The following DPYSL5 variants were observed in gnomAD, a reference collection of about 807,000 sequenced individuals.
The protein encoded by DPYSL5 is dihydropyrimidinase-related protein 5.
In DPYSL5, 9 loss-of-function variants were observed where a neutral mutation model predicts 58.4. The observed-to-expected ratio is 0.15, with a 90% CI of 0.09 to 0.27. The LOEUF (loss-of-function observed/expected upper bound fraction) is 0.27. Among genes scored for constraint, DPYSL5 ranks in the 10% least tolerant of loss-of-function variants. The probability of loss-of-function intolerance (pLI) is 1.00; values close to 1 mark genes in which losing one functional copy is unlikely to be tolerated. For synonymous variants in DPYSL5, 293 were observed against 301.9 expected, an observed-to-expected ratio of 0.97 and a Z score of 0.31; for missense variants, 499 against 770.6, an observed-to-expected ratio of 0.65 and a Z score of 4.17.
At position 26,934,820 on chromosome 2, in the gene DPYSL5, G is replaced by A; in HGVS notation, c.947+86G>A. On this transcript the variant is annotated intron_variant, in intron 8 of 12. Transcript: ENST00000288699. The surrounding 1 kb of genome is among the most constrained non-coding windows in gnomAD (Gnocchi z 4.3). ...GGCCCAGGAAACAAATCTGAGCTAG[G>A]TTTGATTTCATTGTGCCCATAGGAT... 6.6e-7 allele frequency: 1 copy of A among 1,526,216 alleles called. No homozygotes were observed. The allele number at this position is 1,526,216 out of a possible 1,614,324, so 94.5% of individuals were successfully genotyped here. A position where few individuals can be genotyped will look rare whatever the true frequency, so the allele number is the denominator to read the frequency against.
intron 1 of DPYSL5, among the ~76,000 whole-genome samples, chr2:26,873,101 C>G (rs964855172): frequency 6.6e-6 from 1 of 152,106 alleles, no homozygotes; most frequent in Admixed American, 6.6e-5. Flanking sequence ...AAATGCAATT[C>G]CTACTATATT....
chr2:26,885,216 A>T (rs557068991), intron 1 of DPYSL5, among the ~76,000 whole-genome samples: 26 of 150,736 alleles, frequency 1.7e-4, no homozygotes, highest in East Asian at 1.2e-3. Flanking sequence ...AAAACAAAAT[A>T]AAAAAAAACC....
intron 8 of DPYSL5, 98 bp from the exon 9 acceptor site, chr2:26,939,933 C>A: frequency 6.5e-7 from 1 of 1,532,064 alleles, no homozygotes; most frequent in Non-Finnish European, 8.9e-7. Flanking sequence ...GTCGGCTTTG[C>A]CTGCTTCCCA....
chr2:26,883,003 G>A (rs188603564), intron 1 of DPYSL5, among the ~76,000 whole-genome samples: 1 of 150,178 alleles, frequency 6.7e-6, no homozygotes. Flanking sequence ...AGAAACTATT[G>A]TTTATTCTCT....
intron 1 of DPYSL5, among the ~76,000 whole-genome samples, chr2:26,885,848 T>C (rs1199081884): frequency 6.6e-6 from 1 of 152,184 alleles, no homozygotes; most frequent in Admixed American, 6.5e-5. Context: ...ACTTCCAGAA[T>C]CCCTCAAAAC....
chr2:26,871,128 AT>A (rs1443826907), intron 1 of DPYSL5, among the ~76,000 whole-genome samples: 2 of 152,096 alleles, frequency 1.3e-5, no homozygotes, highest in African/African-American at 4.8e-5. Context: ...GGTTGTCACC[AT>A]TTTAAGAGAT....
In DPYSL5 at chr2:26,932,192, AAAG is replaced by A. The variant is rs1558351604; in HGVS notation, c.714+511_714+513del. ...GAAAGAAAGAAAGAAAGAAAGAAAG[AAAG>A]AAAGAAAGAAAGAAAAGAAAGAAAG... On this transcript the variant is annotated intron_variant, in intron 6 of 12. Coordinates refer to ENST00000288699, the MANE Select transcript of DPYSL5 (RefSeq NM_020134.4). 9.9e-3 allele frequency among the ~76,000 whole-genome samples: 823 copies of A among 83,448 alleles called. 19 individuals carry two copies. The highest frequency in any genetic ancestry group is 0.016 in the Non-Finnish European group (607 of 38,504). The allele number at this position is 83,448 out of a possible 152,430, so 54.7% of individuals were successfully genotyped here.
intron 2 of DPYSL5, among the ~76,000 whole-genome samples, chr2:26,904,763 C>T (rs1351653847): frequency 6.6e-6 from 1 of 152,096 alleles, no homozygotes; most frequent in Non-Finnish European, 1.5e-5. Flanking sequence ...ATTAGCCAGG[C>T]GTGGTGGTGT....
rs139539355 is a variant in DPYSL5, at chr2:26,925,019, G to A, written c.394G>A (p.Val132Met). Residue 132 changes from valine to methionine, a missense_variant, in exon 3 of 13, where the codon GTG becomes ATG. Around this residue, in one of 3 missense-constraint regions of DPYSL5, gnomAD observed 404 missense variants for 647.6 expected, o/e 0.62. Coordinates refer to ENST00000288699, the MANE Select transcript of DPYSL5 (RefSeq NM_020134.4). This position sits in a 1 kb window ranked among gnomAD's most constrained non-coding sequence, Gnocchi z 4.5. ...PKVCCDYALH[V>M]GITWWAPKVK... ...GGTCTGCTGTGATTACGCCCTCCAC[G>A]TGGGGATCACCTGGTGGGCACCCAA... The A allele has an allele frequency of 2.7e-5, 43 of 1,614,024 alleles. No homozygotes were observed. Among genetic ancestry groups the A allele is most frequent in the African/African-American group, 5.3e-5 (4 of 74,934 alleles).
intron 1 of DPYSL5, among the ~76,000 whole-genome samples, chr2:26,852,049 C>A (rs1484803099): frequency 2.0e-5 from 3 of 152,182 alleles, no homozygotes; most frequent in African/African-American, 7.2e-5. Flanking sequence ...CCCAGTCTAT[C>A]TTCCTGGTGT....
intron 1 of DPYSL5, among the ~76,000 whole-genome samples, chr2:26,885,238 C>T (rs918874094): frequency 2.0e-5 from 3 of 152,048 alleles, no homozygotes; most frequent in African/African-American, 7.2e-5. Context: ...GTCTCAGGAG[C>T]AAGCCCTTGT....
intron 1 of DPYSL5, among the ~76,000 whole-genome samples, chr2:26,895,704 T>C (rs1273918580): frequency 6.6e-6 from 1 of 151,994 alleles, no homozygotes; most frequent in Non-Finnish European, 1.5e-5. Flanking sequence ...TTCACCAACA[T>C]TTCCCCAACT....
Position 26,884,500 on chromosome 2 carries a change from A to C in DPYSL5, c.-4-13996A>C, listed in dbSNP as rs947928225. On this transcript the variant is annotated intron_variant, in intron 1 of 12. Coordinates refer to ENST00000288699, the MANE Select transcript of DPYSL5 (RefSeq NM_020134.4). ...GGTGCACGTGAACACACATCAACGCACAGCTAAGCTTGTCCTATCTCACAC... is the reference window on the plus strand; with the variant it reads ...GGTGCACGTGAACACACATCAACGCCCAGCTAAGCTTGTCCTATCTCACAC... Among the ~76,000 whole-genome samples, 5 of 147,180 alleles carry C rather than the reference A, an allele frequency of 3.4e-5. No individual in the cohort carries two copies. The South Asian group carries it at 1.1e-3, about 31-fold the overall frequency.
chr2:26,918,205 C>T (rs954866174), intron 2 of DPYSL5, among the ~76,000 whole-genome samples: 4 of 148,450 alleles, frequency 2.7e-5, no homozygotes, highest in Non-Finnish European at 5.9e-5. Context: ...TGTGCAGCTG[C>T]ATGGGCGACA....
At chr2:26,916,573 C>T (rs1403631058) in intron 2 of DPYSL5, among the ~76,000 whole-genome samples, 1 of 152,200 alleles carries the variant, frequency 6.6e-6, no homozygotes, top group African/African-American at 2.4e-5. Flanking sequence ...CCTAATCAGA[C>T]CTGCCTCAGC....
At chr2:26,857,254 C>T (rs1665901609) in intron 1 of DPYSL5, among the ~76,000 whole-genome samples, 1 of 152,024 alleles carries the variant, frequency 6.6e-6, no homozygotes, top group African/African-American at 2.4e-5. Context: ...AAAAAAGTCT[C>T]AGCCAGGCGT....
intron 2 of DPYSL5, among the ~76,000 whole-genome samples, chr2:26,920,265 G>A (rs1664672162): frequency 6.6e-6 from 1 of 151,906 alleles, no homozygotes; most frequent in Admixed American, 6.6e-5. Flanking sequence ...ATGGGTATAT[G>A]TTTTATTATT....
At chr2:26,868,107 A>G (rs1305082842) in intron 1 of DPYSL5, among the ~76,000 whole-genome samples, 1 of 152,182 alleles carries the variant, frequency 6.6e-6, no homozygotes, top group African/African-American at 2.4e-5. Context: ...ACTACTGCAG[A>G]GGCTGAACAT....
rs1302053903 is a variant in DPYSL5 at position 26,944,651 on chromosome 2, C to CCTA, written c.1441-4_1441-2dup. 1 of 1,613,150 alleles carries CCTA rather than the reference C, an allele frequency of 6.2e-7. No individual in the cohort carries two copies. Among genetic ancestry groups the CCTA allele is most frequent in the Non-Finnish European group, 8.5e-7 (1 of 1,179,560 alleles). ...TTCTTCTGCTCTTCTTCCATCCTTC[C>CCTA]CTAGACTTTAAAGGTTAGAGGAGTG... On this transcript the variant is annotated splice_polypyrimidine_tract_variant and splice_region_variant and intron_variant, in intron 11 of 12. Coordinates refer to ENST00000288699, the MANE Select transcript of DPYSL5 (RefSeq NM_020134.4). This position sits in a 1 kb window ranked among gnomAD's most constrained non-coding sequence, Gnocchi z 4.4.
Sources: gnomAD v4.1 joint callset for allele counts (sites outside exome capture counted in the v4.1 genomes callset) on GRCh38, gnomAD v4.1.1 for gene constraint, gnomAD v4.1.1 regional missense constraint, Gnocchi (gnomAD v3.1) non-coding constraint, MANE v1.5 for transcripts, NCBI Gene and HGNC (gene_info 2026-07-23, HGNC 2026-07-21) for gene names.